The following CLCN1 variants were observed in gnomAD, a reference collection of about 807,000 sequenced individuals.
CLCN1 encodes chloride voltage-gated channel 1, also known as chloride channel protein 1.
Under a neutral mutation model 114.5 loss-of-function variants are expected in CLCN1, and 100 were observed. That is an observed-to-expected ratio of 0.87 (90% CI 0.74 to 1.03). CLCN1 has a LOEUF of 1.03. Among genes scored for constraint, CLCN1 ranks in the 50% least tolerant of loss-of-function variants. CLCN1 has a pLI of 0.00. For missense variants in CLCN1, 1,188 were observed against 1,250.0 expected, an observed-to-expected ratio of 0.95 and a Z score of 0.75; for synonymous variants, 485 against 487.1, an observed-to-expected ratio of 1.00 and a Z score of 0.06.
At chr7:143,347,365 A>T (rs1365915802) in intron 20 of CLCN1, among the ~76,000 whole-genome samples, 1 of 152,174 alleles carries the variant, frequency 6.6e-6, no homozygotes, top group African/African-American at 2.4e-5. Context: ...TCATGCCTGT[A>T]ATTCCAGCAC....
Position 143,316,296 on chromosome 7 carries a change from A to G in CLCN1, c.84A>G (p.Glu28=). The part of the protein sequence containing the change: ...SDPQYQYMPF[E]HCTSYGLPSE... ...CCCAGTACCAGTATATGCCCTTTGA[A>G]CACTGCACCAGCTACGGACTGCCCT... The change falls in exon 1 of 23, where the codon GAA becomes GAG. Residue 28 remains glutamate, a synonymous_variant. Transcript: ENST00000343257. The G allele has an allele frequency of 1.2e-6, 2 of 1,613,796 alleles. No individual in the cohort carries two copies. The highest frequency in any genetic ancestry group is 1.7e-6 in the Non-Finnish European group (2 of 1,179,902).
At chr7:143,330,743 C>T in intron 7 of CLCN1, 29 bp from the exon 8 acceptor site, 1 of 1,613,480 alleles carries the variant, frequency 6.2e-7, no homozygotes, top group Non-Finnish European at 8.5e-7. Flanking sequence ...CTGCTGGCTG[C>T]CCCCAACCAC....
intron 7 of CLCN1, among the ~76,000 whole-genome samples, chr7:143,327,423 T>G (rs923209800): frequency 6.6e-6 from 1 of 152,038 alleles, no homozygotes; most frequent in Non-Finnish European, 1.5e-5. Context: ...ATTAAAGTCA[T>G]GAAATACTTG....
chr7:143,326,276 T>C (rs1255743589), intron 7 of CLCN1, among the ~76,000 whole-genome samples: 1 of 102,336 alleles, frequency 9.8e-6, no homozygotes, highest in East Asian at 2.0e-4. Flanking sequence ...CCTTGGCCTA[T>C]TACTTGATTT....
At chr7:143,336,287 T>G (rs1407077220) in intron 12 of CLCN1, among the ~76,000 whole-genome samples, 2 of 150,216 alleles carry the variant, frequency 1.3e-5, no homozygotes, top group Non-Finnish European at 3.0e-5. Context: ...TCCCTGAAAT[T>G]GAGTGTTTAA....
Position 143,339,113 on chromosome 7 carries a change from A to G in CLCN1, c.1402-140A>G. ...CTCTATGGCTTTTGTTTCTGGAAGA[A>G]GGGTGACAGACAAAGTGACTTTCAG... On this transcript the variant is annotated intron_variant, in intron 12 of 22. Coordinates refer to ENST00000343257, the MANE Select transcript of CLCN1 (RefSeq NM_000083.3). The surrounding 1 kb of genome is among the most constrained non-coding windows in gnomAD (Gnocchi z 4.1). 1 of 760,390 alleles carries G rather than the reference A, an allele frequency of 1.3e-6. No homozygotes were observed. The highest frequency in any genetic ancestry group is 2.4e-6 in the Non-Finnish European group (1 of 411,446). 47.1% of individuals were successfully genotyped at this position (760,390 alleles called of 1,614,324 possible). A position where few individuals can be genotyped will look rare whatever the true frequency, so the allele number is the denominator to read the frequency against.
rs1476195790 is a variant in CLCN1, at chr7:143,324,309, T to A, written c.775-105T>A. On this transcript the variant is annotated intron_variant, in intron 6 of 22. Coordinates refer to ENST00000343257, the MANE Select transcript of CLCN1 (RefSeq NM_000083.3). This position sits in a 1 kb window ranked among gnomAD's most constrained non-coding sequence, Gnocchi z 4.6. ...TGGGACCACAAGGACTCCTTTTGAC[T>A]TAGGCCTCTCATTCTGCCTTATTCC... 3 of 832,816 alleles carry A rather than the reference T, an allele frequency of 3.6e-6. No individual in the cohort carries two copies. The African/African-American group carries it at 5.0e-5, about 14-fold the overall frequency. The allele number at this position is 832,816 out of a possible 1,614,324, so 51.6% of individuals were successfully genotyped here.
Position 143,332,733 on chromosome 7 carries a change from C to T in CLCN1, c.1261C>T (p.Arg421Cys), listed in dbSNP as rs756981034. The part of the protein sequence containing the change: ...GQFMAGELMP[R>C]EAISTLFDNN... ...CTTCTTCCTCTCCCAGTTGATGCCC[C>T]GCGAAGCCATCAGTACTTTGTTTGA... Residue 421 changes from arginine (R) to cysteine (C), a missense_variant, in exon 12 of 23, where the codon CGC (arginine) becomes TGC (cysteine). By Grantham distance (180) the Arg-to-Cys change is radical. Transcript: ENST00000343257. 18 of 1,613,928 alleles carry T rather than the reference C, an allele frequency of 1.1e-5. No homozygotes were observed. The highest frequency in any genetic ancestry group is 6.7e-5 in the East Asian group (3 of 44,886).
At chr7:143,323,222 T>A in intron 5 of CLCN1, 87 bp from the exon 6 acceptor site, 1 of 805,328 alleles carries the variant, frequency 1.2e-6, no homozygotes, top group Non-Finnish European at 2.2e-6. Flanking sequence ...GCACAGTGCC[T>A]GGAGTAAGGA....
rs1305835326 is a variant in CLCN1, at chr7:143,316,462, TGAG to T, written c.180+73_180+75del. 4.9e-6 allele frequency: 7 copies of T among 1,419,324 alleles called. No homozygotes were observed. In the African/African-American group the frequency reaches 9.9e-5, roughly 20 times the overall value. 87.9% of individuals were successfully genotyped at this position (1,419,324 alleles called of 1,614,324 possible). On this transcript the variant is annotated intron_variant, in intron 1 of 22. Transcript: ENST00000343257. ...CAGTGGTGCCAGAGACTGGTGAAAA[TGAG>T]GAATTGGGTGAAAAGAGGGAGCAGT...
In CLCN1 at chr7:143,331,611, T is replaced by C; in HGVS notation, c.1125T>C (p.Gly375=). 6.2e-7 allele frequency: 1 copy of C among 1,614,130 alleles called. No homozygotes were observed. Among genetic ancestry groups the C allele is most frequent in the Non-Finnish European group, 8.5e-7 (1 of 1,179,984 alleles). ...ATCTGCATCGCCAAGTCATGCTCGG[T>C]GTCCGAAAGCACAAGGCCCTCAGCC... ...FVYLHRQVML[G]VRKHKALSQF... is the part of the protein sequence containing the mutation. Residue 375 remains glycine, a synonymous_variant, in exon 10 of 23, where the codon GGT becomes GGC. Coordinates refer to ENST00000343257, the MANE Select transcript of CLCN1 (RefSeq NM_000083.3).
intron 16 of CLCN1, among the ~76,000 whole-genome samples, chr7:143,344,781 G>C (rs564273045): frequency 3.1e-5 from 4 of 130,716 alleles, no homozygotes. Flanking sequence ...ATGAAATCTC[G>C]CTCTTGTCGC....
chr7:143,346,270 G>A lies in CLCN1; in HGVS notation c.2284+19G>A, dbSNP rs769666294. On this transcript the variant is annotated intron_variant, in intron 18 of 22. Coordinates refer to ENST00000343257, the MANE Select transcript of CLCN1 (RefSeq NM_000083.3). The stretch of plus-strand genomic sequence containing the variant: ...CCTGCAGGTGACGCTCTTCCCTCAT[G>A]CACCCCAACTCACCCCTTGTGGGTT... The A allele has an allele frequency of 2.1e-5, 32 of 1,521,164 alleles. No individual in the cohort carries two copies. The highest frequency in any genetic ancestry group is 2.7e-5 in the Non-Finnish European group (30 of 1,097,766). The allele number at this position is 1,521,164 out of a possible 1,614,324, so 94.2% of individuals were successfully genotyped here. A position where few individuals can be genotyped will look rare whatever the true frequency, so the allele number is the denominator to read the frequency against.
intron 7 of CLCN1, among the ~76,000 whole-genome samples, chr7:143,330,140 G>A (rs1421255275): frequency 2.0e-5 from 3 of 151,980 alleles, no homozygotes; most frequent in Admixed American, 2.0e-4. Context: ...TTTAAGTCGG[G>A]TTTTTAGTAT....
rs74824159 is a variant in CLCN1, at chr7:143,346,256, C to T, written c.2284+5C>T. ...CGGAAGCACCAGAGCCTGCAGGTGA[C>T]GCTCTTCCCTCATGCACCCCAACTC... On this transcript the variant is annotated splice_donor_5th_base_variant and intron_variant, in intron 18 of 22. Coordinates refer to ENST00000343257, the MANE Select transcript of CLCN1 (RefSeq NM_000083.3). The T allele has an allele frequency of 0.025, 39,115 of 1,590,352 alleles. 591 individuals are homozygous for T. The highest frequency in any genetic ancestry group is 0.03 in the Non-Finnish European group (34,746 of 1,158,966).
At chr7:143,318,651 A>T (rs1333331314) in intron 1 of CLCN1, among the ~76,000 whole-genome samples, 1 of 152,056 alleles carries the variant, frequency 6.6e-6, no homozygotes, top group African/African-American at 2.4e-5. Context: ...TGGCCCTTTA[A>T]GTGTTTTCCC....
chr7:143,318,529 T>C (rs946157141), intron 1 of CLCN1, among the ~76,000 whole-genome samples: 25 of 152,146 alleles, frequency 1.6e-4, no homozygotes, highest in African/African-American at 3.4e-4. Context: ...TGCTTCCACC[T>C]TGGAATACTT....
At chr7:143,334,902 T>C (rs540420323) in intron 12 of CLCN1, among the ~76,000 whole-genome samples, 30 of 152,258 alleles carry the variant, frequency 2.0e-4, no homozygotes, top group Non-Finnish European at 3.7e-4. Flanking sequence ...ACTTTCATTA[T>C]AGAGTTCATC....
chr7:143,351,913 G>A lies in CLCN1; in HGVS notation c.2915G>A (p.Gly972Asp). 1 of 1,613,800 alleles carries A rather than the reference G, an allele frequency of 6.2e-7. No homozygotes were observed. Among genetic ancestry groups the A allele is most frequent in the Non-Finnish European group, 8.5e-7 (1 of 1,180,028 alleles). ...LEEELADILQ[G>D]PSLRSTDEED... ...GAGGAGCTGGCCGACATCTTGCAGG[G>A]CCCCAGCCTGCGATCCACAGACGAG... The change falls in exon 23 of 23, where the codon GGC (glycine) becomes GAC (aspartate). Residue 972 changes from glycine (G) to aspartate (D), a missense_variant. Physicochemically the swap from Gly to Asp is moderately conservative, Grantham distance 94. Coordinates refer to ENST00000343257, the MANE Select transcript of CLCN1 (RefSeq NM_000083.3).
Sources: gnomAD v4.1 joint callset for allele counts (sites outside exome capture counted in the v4.1 genomes callset) on GRCh38, gnomAD v4.1.1 for gene constraint, Gnocchi (gnomAD v3.1) non-coding constraint, MANE v1.5 for transcripts, NCBI Gene and HGNC (gene_info 2026-07-23, HGNC 2026-07-21) for gene names.